Variants in APBB2 observed in about 807,000 individuals in gnomAD.
APBB2 encodes Fe65-like 1.
Under a neutral mutation model 82.5 loss-of-function variants are expected in APBB2, and 38 were observed. The observed-to-expected ratio is 0.46, with a 90% CI of 0.36 to 0.60. The LOEUF (loss-of-function observed/expected upper bound fraction) is 0.60, where lower values mean the gene tolerates loss of function less well. Ranked by LOEUF, APBB2 falls within the 20% of genes least tolerant of loss-of-function variation. The probability of loss-of-function intolerance (pLI) is 0.00; values close to 1 mark genes in which losing one functional copy is unlikely to be tolerated. For missense variants in APBB2, 772 were observed against 972.3 expected (o/e 0.79, Z 2.74); for synonymous variants, 341 against 368.2 (o/e 0.93, Z 0.85).
intron 1 of APBB2, among the ~76,000 whole-genome samples, chr4:41,147,269 A>G (rs1307664977): frequency 2.6e-5 from 4 of 152,170 alleles, no homozygotes; most frequent in African/African-American, 9.7e-5. Flanking sequence ...AAGAATCACA[A>G]AGTAGATTAA....
chr4:40,961,985 T>C (rs1793428867), intron 6 of APBB2, among the ~76,000 whole-genome samples: 2 of 152,256 alleles, frequency 1.3e-5, no homozygotes, highest in South Asian at 4.1e-4. Context: ...ATTTTTGATC[T>C]ATGCCATTCT....
rs896549971 is a variant in APBB2, at chr4:40,934,601, A to T, written c.1193+13T>A. 1 of 1,611,668 alleles carries T rather than the reference A, an allele frequency of 6.2e-7. No individual in the cohort carries two copies. The highest frequency in any genetic ancestry group is 8.5e-7 in the Non-Finnish European group (1 of 1,177,872). On this transcript the variant is annotated intron_variant, in intron 9 of 17. Transcript: ENST00000508593. ...CATACATTGACAGCAGGTCGATCCT[A>T]CTAATGTCCTACCTGAGTTTCAAAG...
chr4:41,196,838 T>C, intron 1 of APBB2, among the ~76,000 whole-genome samples: 1 of 152,188 alleles, frequency 6.6e-6, no homozygotes, highest in Non-Finnish European at 1.5e-5. Flanking sequence ...GTTGAAATCA[T>C]GCATTTGCCA....
chr4:41,061,311 T>C (rs750577912), intron 4 of APBB2, among the ~76,000 whole-genome samples: 3 of 152,236 alleles, frequency 2.0e-5, no homozygotes, highest in Non-Finnish European at 2.9e-5. Context: ...AAATGCATCG[T>C]TGGGCGATTT....
At chr4:41,195,812 A>T in intron 1 of APBB2, among the ~76,000 whole-genome samples, 1 of 151,958 alleles carries the variant, frequency 6.6e-6, no homozygotes, top group Non-Finnish European at 1.5e-5. Flanking sequence ...TTCCCGCCAT[A>T]TGCACAACCC....
At chr4:40,924,487 T>C (rs1334900483) in intron 10 of APBB2, among the ~76,000 whole-genome samples, 7 of 152,316 alleles carry the variant, frequency 4.6e-5, no homozygotes, top group Middle Eastern at 3.4e-3. Context: ...ATGCTGCCAT[T>C]GCCAAGAAGA....
chr4:41,018,278 A>G (rs1560537287), intron 5 of APBB2, among the ~76,000 whole-genome samples: 1 of 152,190 alleles, frequency 6.6e-6, no homozygotes, highest in Non-Finnish European at 1.5e-5. Context: ...AGGAACATAA[A>G]GTTCCTACCT....
intron 10 of APBB2, among the ~76,000 whole-genome samples, chr4:40,928,751 GGT>G (rs1173032173): frequency 1.3e-5 from 2 of 150,764 alleles, no homozygotes; most frequent in East Asian, 3.9e-4. Context: ...TGGGTGTGGT[GGT>G]GTACACCTCT....
chr4:41,076,803 G>C (rs1735779756), intron 3 of APBB2, among the ~76,000 whole-genome samples: 1 of 152,026 alleles, frequency 6.6e-6, no homozygotes, highest in Non-Finnish European at 1.5e-5. Context: ...ACATAATTAA[G>C]AACCCCAAGA....
chr4:41,108,209 A>G (rs910610524), intron 2 of APBB2, among the ~76,000 whole-genome samples: 12 of 152,240 alleles, frequency 7.9e-5, no homozygotes, highest in East Asian at 3.8e-4. Flanking sequence ...CACCTTATAC[A>G]GCAGACTGGT....
At chr4:41,013,483 G>T in intron 6 of APBB2, 100 bp downstream of exon 6, 1 of 1,146,960 alleles carries the variant, frequency 8.7e-7, no homozygotes, top group Non-Finnish European at 1.3e-6. Context: ...GTTCCTCTCT[G>T]CATAATGGAC....
At chr4:40,916,568 T>C (rs534717919) in intron 10 of APBB2, among the ~76,000 whole-genome samples, 1 of 152,312 alleles carries the variant, frequency 6.6e-6, no homozygotes, top group East Asian at 1.9e-4. Flanking sequence ...TAGACTTATG[T>C]GGTTGGATTT....
intron 12 of APBB2, chr4:40,842,351 G>A (rs912499144): frequency 2.2e-6 from 1 of 455,530 alleles, no homozygotes; most frequent in East Asian, 6.9e-5. Context: ...GGGGGGAGAA[G>A]TGAAAATCGG....
intron 2 of APBB2, among the ~76,000 whole-genome samples, chr4:41,128,549 C>A (rs1755071252): frequency 6.6e-6 from 1 of 152,242 alleles, no homozygotes; most frequent in African/African-American, 2.4e-5. Context: ...ACTTTAATCT[C>A]ATTTTAAGCC....
intron 6 of APBB2, among the ~76,000 whole-genome samples, chr4:40,959,424 T>A (rs894265188): frequency 1.3e-5 from 2 of 152,226 alleles, no homozygotes; most frequent in Admixed American, 6.5e-5. Flanking sequence ...TATGCTTTTC[T>A]CTCAGAGCTG....
intron 7 of APBB2, among the ~76,000 whole-genome samples, chr4:40,938,152 C>A (rs993113136): frequency 6.6e-6 from 1 of 152,234 alleles, no homozygotes; most frequent in South Asian, 2.1e-4. Context: ...ACCCTCCAGG[C>A]AATGCAGCTA....
At chr4:40,862,725 G>A (rs1029528502) in intron 12 of APBB2, among the ~76,000 whole-genome samples, 2 of 152,164 alleles carry the variant, frequency 1.3e-5, no homozygotes, top group African/African-American at 4.8e-5. Flanking sequence ...CAGGCGTGGT[G>A]GCAGGCACCT....
At chr4:41,002,522 GTATACAA>G (rs1191708676) in intron 6 of APBB2, among the ~76,000 whole-genome samples, 4 of 152,212 alleles carry the variant, frequency 2.6e-5, no homozygotes, top group Admixed American at 6.5e-5. Flanking sequence ...AGTTCCATGT[GTATACAA>G]TGGCTAAGTC....
intron 1 of APBB2, among the ~76,000 whole-genome samples, chr4:41,159,952 AAGG>A (rs564608504): frequency 5.0e-4 from 27 of 53,786 alleles, no homozygotes; most frequent in East Asian, 2.5e-3. Context: ...GGAGAAGGAG[AAGG>A]AGAAGGAGAA....
Sources: allele counts gnomAD v4.1 joint callset (sites outside exome capture counted in the v4.1 genomes callset), GRCh38; gene constraint gnomAD v4.1.1; transcripts MANE v1.5; gene names NCBI Gene and HGNC (gene_info 2026-07-23, HGNC 2026-07-21).